The following TTC17 variants were observed in gnomAD, a reference collection of about 807,000 sequenced individuals.
The protein encoded by TTC17 is tetratricopeptide repeat domain 17.
Under a neutral mutation model 143.8 loss-of-function variants are expected in TTC17, and 58 were observed. The observed-to-expected ratio is 0.40, with a 90% CI of 0.33 to 0.50. The LOEUF is 0.50. Ranked by LOEUF, TTC17 falls within the 20% of genes least tolerant of loss-of-function variation. The probability of loss-of-function intolerance (pLI) is 0.49; values close to 1 mark genes in which losing one functional copy is unlikely to be tolerated. For synonymous variants in TTC17, 501 were observed against 497.8 expected (o/e 1.01, Z -0.09); for missense variants, 1,273 against 1,392.5 (o/e 0.91, Z 1.37).
In TTC17 at chr11:43,422,299, A is replaced by C. The variant is rs74645517; in HGVS notation, c.2251+7523A>C. Among the ~76,000 whole-genome samples the C allele has an allele frequency of 4.6e-3, 706 of 152,252 alleles. 5 individuals are homozygous for C. Among genetic ancestry groups the C allele is most frequent in the African/African-American group, 0.016 (667 of 41,538 alleles). ...AAGGAGCAGATTTGGGGAGAAAAACAAGTTTGGTTTTGGACATGTTAAATT... is the reference window on the plus strand; with the variant it reads ...AAGGAGCAGATTTGGGGAGAAAAACCAGTTTGGTTTTGGACATGTTAAATT... On this transcript the variant is annotated intron_variant, in intron 16 of 23. Coordinates refer to ENST00000039989, the MANE Select transcript of TTC17 (RefSeq NM_018259.6).
chr11:43,477,974 A>G (rs547962724), intron 21 of TTC17, among the ~76,000 whole-genome samples: 11 of 152,330 alleles, frequency 7.2e-5, no homozygotes, highest in African/African-American at 2.6e-4. Flanking sequence ...TGAGACACCC[A>G]GACAGTATGT....
chr11:43,401,767 A>G (rs1046722143), intron 10 of TTC17: 4 of 454,360 alleles, frequency 8.8e-6, no homozygotes, highest in African/African-American at 6.0e-5. Flanking sequence ...TCACGAGCCC[A>G]GGAGTTCAAG....
intron 5 of TTC17, among the ~76,000 whole-genome samples, chr11:43,392,567 T>C (rs1857430272): frequency 6.6e-6 from 1 of 152,234 alleles, no homozygotes. Context: ...GCCACCTTTG[T>C]ATACAGTTTT....
At chr11:43,393,601 T>C (rs1480464039) in intron 5 of TTC17, among the ~76,000 whole-genome samples, 1 of 152,018 alleles carries the variant, frequency 6.6e-6, no homozygotes, top group African/African-American at 2.4e-5. Context: ...CTACTCTCTC[T>C]CCCCTCCCCG....
chr11:43,489,432 CAGG>C (rs1273137695), intron 21 of TTC17, among the ~76,000 whole-genome samples: 1 of 152,040 alleles, frequency 6.6e-6, no homozygotes, highest in Non-Finnish European at 1.5e-5. Flanking sequence ...ATATTTCTGG[CAGG>C]AGATTAAATT....
chr11:43,477,450 A>G (rs1948205906), intron 21 of TTC17, among the ~76,000 whole-genome samples: 1 of 152,224 alleles, frequency 6.6e-6, no homozygotes, highest in African/African-American at 2.4e-5. Flanking sequence ...CCAGGAACAA[A>G]AAGGTTTAAT....
At position 43,405,620 on chromosome 11, in the gene TTC17, A is replaced by G; in HGVS notation, c.1586A>G (p.Lys529Arg). 1 of 1,613,946 alleles carries G rather than the reference A, an allele frequency of 6.2e-7. No homozygotes were observed. Among genetic ancestry groups the G allele is most frequent in the Middle Eastern group, 1.7e-4 (1 of 6,060 alleles). Residue 529 changes from lysine (K) to arginine (R), a missense_variant, in exon 12 of 24, where the codon AAA (lysine) becomes AGA (arginine). Lys to Arg is a conservative substitution (Grantham distance 26, BLOSUM62 2). Coordinates refer to ENST00000039989, the MANE Select transcript of TTC17 (RefSeq NM_018259.6). ...LPTYFLPPENKGLRIHELSSD... is the reference protein window; with the variant it reads ...LPTYFLPPENRGLRIHELSSD... ...ACGTATTTTCTGCCTCCGGAAAACA[A>G]AGGACTCAGGCAAGTGGTGATGGAT...
Position 43,387,556 on chromosome 11 carries a change from A to G in TTC17, c.250-2096A>G, listed in dbSNP as rs1286341626. 2.0e-5 allele frequency among the ~76,000 whole-genome samples: 3 copies of G among 152,150 alleles called. No individual in the cohort carries two copies. The East Asian group carries it at 5.8e-4, about 29-fold the overall frequency. Reference sequence around the variant, plus strand: ...ATGGCATAAACAATAAGGTCATGCTAAGTGATCATTTGGGGCTCTGTTGGG... The same window carrying G: ...ATGGCATAAACAATAAGGTCATGCTGAGTGATCATTTGGGGCTCTGTTGGG... On this transcript the variant is annotated intron_variant, in intron 2 of 23. Transcript: ENST00000039989.
chr11:43,446,731 C>T (rs1947550449), intron 18 of TTC17: 1 of 935,182 alleles, frequency 1.1e-6, no homozygotes, highest in African/African-American at 1.8e-5. Context: ...TAAAGTTCTC[C>T]TTCCTGCCTA....
chr11:43,382,919 A>C (rs1017951448), intron 2 of TTC17, among the ~76,000 whole-genome samples: 4 of 149,636 alleles, frequency 2.7e-5, no homozygotes, highest in African/African-American at 9.9e-5. Context: ...CTTTTTTTTG[A>C]GACAGGGTCT....
chr11:43,401,680 G>C, intron 10 of TTC17, 122 bp downstream of exon 10: 1 of 685,516 alleles, frequency 1.5e-6, no homozygotes, highest in South Asian at 2.0e-5. Context: ...TTGTCATTTA[G>C]ATCTTTAAGA....
chr11:43,483,481 A>T (rs1294529823), intron 21 of TTC17, among the ~76,000 whole-genome samples: 1 of 152,188 alleles, frequency 6.6e-6, no homozygotes, highest in Non-Finnish European at 1.5e-5. Flanking sequence ...GCAAAATGTT[A>T]ACAGACTGAA....
At chr11:43,420,938 T>G (rs1179511739) in intron 16 of TTC17, among the ~76,000 whole-genome samples, 1 of 152,218 alleles carries the variant, frequency 6.6e-6, no homozygotes, top group African/African-American at 2.4e-5. Context: ...AGCAACAATT[T>G]GTTTTCTTTC....
chr11:43,470,623 A>T (rs1253301224), intron 21 of TTC17, among the ~76,000 whole-genome samples: 15 of 152,210 alleles, frequency 9.9e-5, no homozygotes, highest in Admixed American at 9.8e-4. Flanking sequence ...TAAAGCTAGA[A>T]GTTTCATCCA....
intron 2 of TTC17, among the ~76,000 whole-genome samples, chr11:43,382,515 C>T (rs1418024294): frequency 6.6e-6 from 1 of 152,088 alleles, no homozygotes; most frequent in East Asian, 1.9e-4. Context: ...AAATTAAAAT[C>T]CTATGGGAAA....
intron 15 of TTC17, among the ~76,000 whole-genome samples, 153 bp downstream of exon 15, chr11:43,407,730 T>G (rs576681814): frequency 1.1e-4 from 17 of 152,186 alleles, no homozygotes; most frequent in Non-Finnish European, 2.2e-4. Flanking sequence ...GTGAAAAAGC[T>G]TTTGTTGTAT....
chr11:43,451,066 T>C (rs549771526), intron 20 of TTC17, 116 bp from the exon 21 acceptor site: 85 of 887,834 alleles, frequency 9.6e-5, no homozygotes, highest in African/African-American at 8.3e-4. Context: ...GACCACAGCA[T>C]GTATCCCAGA....
intron 1 of TTC17, among the ~76,000 whole-genome samples, chr11:43,362,770 T>C (rs1322021364): frequency 1.3e-5 from 2 of 152,198 alleles, no homozygotes; most frequent in African/African-American, 4.8e-5. Flanking sequence ...GTTGTTGCAT[T>C]TCACAATCCC....
intron 17 of TTC17, 133 bp from the exon 18 acceptor site, chr11:43,443,923 T>G: frequency 9.5e-7 from 1 of 1,054,374 alleles, no homozygotes; most frequent in Non-Finnish European, 1.4e-6. Context: ...TTTATTTAGG[T>G]CTTTAAGAAT....
Sources: allele counts gnomAD v4.1 joint callset (sites outside exome capture counted in the v4.1 genomes callset), GRCh38; gene constraint gnomAD v4.1.1; transcripts MANE v1.5; gene names NCBI Gene and HGNC (gene_info 2026-07-23, HGNC 2026-07-21).